NRXN3: variants seen among roughly 807,000 people sequenced by gnomAD.
NRXN3 encodes neurexin 3.
In NRXN3, 32 loss-of-function variants were observed where a neutral mutation model predicts 137.6. The ratio of observed to expected loss-of-function variants is 0.23; its 90% CI spans 0.18 to 0.31. The LOEUF is 0.31. Ranked by LOEUF, NRXN3 falls within the 10% of genes least tolerant of loss-of-function variation. NRXN3 has a pLI of 1.00. For missense variants in NRXN3, 1,574 were observed against 2,062.5 expected (o/e 0.76, Z 4.59); for synonymous variants, 798 against 784.5 (o/e 1.02, Z -0.29).
At chr14:79,315,027 C>T (rs549439850) in intron 15 of NRXN3, among the ~76,000 whole-genome samples, 1 of 152,200 alleles carries the variant, frequency 6.6e-6, no homozygotes. Flanking sequence ...GCTGCCACTA[C>T]AGCCTGATTT....
At chr14:79,281,037 T>G (rs538288730) in intron 15 of NRXN3, among the ~76,000 whole-genome samples, 5 of 152,280 alleles carry the variant, frequency 3.3e-5, no homozygotes, top group Non-Finnish European at 5.9e-5. Flanking sequence ...GTGGTAATGG[T>G]CAGGGAAAAG....
At chr14:78,777,276 G>A (rs34772331) in intron 8 of NRXN3, among the ~76,000 whole-genome samples, 10,197 of 152,026 alleles carry the variant, frequency 0.067, 477 homozygotes, top group South Asian at 0.17. Context: ...AACTAATATG[G>A]GCACATGGCA....
intron 15 of NRXN3, among the ~76,000 whole-genome samples, chr14:79,142,504 G>T (rs368378887): frequency 1.3e-5 from 2 of 152,152 alleles, no homozygotes; most frequent in African/African-American, 4.8e-5. Flanking sequence ...TTTGAGCAAA[G>T]ATATGAATAT....
intron 4 of NRXN3, among the ~76,000 whole-genome samples, chr14:78,560,980 T>A (rs763695456): frequency 2.0e-5 from 3 of 152,190 alleles, no homozygotes; most frequent in Non-Finnish European, 4.4e-5. Flanking sequence ...ATTAGTCAGG[T>A]TAGACTTGAT....
At chr14:78,618,252 C>A (rs1450244410) in intron 4 of NRXN3, among the ~76,000 whole-genome samples, 1 of 151,202 alleles carries the variant, frequency 6.6e-6, no homozygotes, top group African/African-American at 2.4e-5. Flanking sequence ...CAGAGTTGTG[C>A]TATACCTTTT....
At chr14:79,682,106 A>T (rs2098673416) in intron 17 of NRXN3, among the ~76,000 whole-genome samples, 2 of 152,244 alleles carry the variant, frequency 1.3e-5, no homozygotes, top group Middle Eastern at 3.4e-3. Context: ...TGCTTTTGGC[A>T]GTTACAATCT....
At chr14:79,095,256 C>T (rs12323794) in intron 15 of NRXN3, among the ~76,000 whole-genome samples, 49,894 of 151,918 alleles carry the variant, frequency 0.33, 8,692 homozygotes, top group Admixed American at 0.46. Context: ...AACTTGCTGC[C>T]GCTATAGGCC....
chr14:79,841,951 A>G (rs899173808), intron 20 of NRXN3, among the ~76,000 whole-genome samples: 11 of 152,236 alleles, frequency 7.2e-5, no homozygotes, highest in African/African-American at 2.4e-4. Context: ...TGTGAATGCA[A>G]TGCTTCAATA....
chr14:79,348,378 C>CTTTT lies in NRXN3; in HGVS notation c.3263-118831_3263-118828dup, dbSNP rs10628515. ...GTTAGTTTTATAGTTAATCTTCTCT[C>CTTTT]TTTTTTTTTTTTTTTGAGACAGAGT... is the stretch of plus-strand genomic sequence containing the variant. On this transcript the variant is annotated intron_variant, in intron 15 of 20. Coordinates refer to ENST00000335750, the MANE Select transcript of NRXN3 (RefSeq NM_001330195.2). Among the ~76,000 whole-genome samples the CTTTT allele has an allele frequency of 3.2e-4, 43 of 135,956 alleles. 2 individuals carry two copies. The highest frequency in any genetic ancestry group is 8.4e-4 in the African/African-American group (29 of 34,372). The allele number at this position is 135,956 out of a possible 152,430, so 89.2% of individuals were successfully genotyped here.
chr14:79,257,378 G>A (rs2076744033), intron 15 of NRXN3, among the ~76,000 whole-genome samples: 1 of 135,412 alleles, frequency 7.4e-6, no homozygotes, highest in Non-Finnish European at 1.6e-5. Flanking sequence ...TGGTGGTGGT[G>A]GTGGTGGTGA....
chr14:79,781,785 T>C (rs1476448151), intron 19 of NRXN3, among the ~76,000 whole-genome samples: 1 of 152,206 alleles, frequency 6.6e-6, no homozygotes, highest in African/African-American at 2.4e-5. Context: ...AGTGCTTGTA[T>C]TGCTGATAGC....
intron 9 of NRXN3, 80 bp downstream of exon 9, chr14:78,803,903 T>C (rs1172581739): frequency 1.5e-6 from 2 of 1,369,560 alleles, no homozygotes; most frequent in African/African-American, 2.9e-5. Flanking sequence ...TTTGATTGAA[T>C]TCTTTGTTTG....
intron 16 of NRXN3, among the ~76,000 whole-genome samples, chr14:79,488,633 G>A (rs1404969451): frequency 2.0e-5 from 3 of 152,188 alleles, no homozygotes; most frequent in Non-Finnish European, 2.9e-5. Context: ...CTTGATGCTG[G>A]TGATGATTTG....
intron 10 of NRXN3, among the ~76,000 whole-genome samples, chr14:78,886,388 C>T (rs1450066846): frequency 1.3e-5 from 2 of 151,990 alleles, no homozygotes; most frequent in African/African-American, 2.4e-5. Context: ...TATATAGTAC[C>T]TGATACAGAG....
chr14:79,099,739 G>T (rs1335995272), intron 15 of NRXN3, among the ~76,000 whole-genome samples: 2 of 152,124 alleles, frequency 1.3e-5, no homozygotes, highest in African/African-American at 4.8e-5. Flanking sequence ...TGATAAATTT[G>T]GAAAGTGTAA....
chr14:78,206,640 C>T (rs548809531), intron 1 of NRXN3, among the ~76,000 whole-genome samples: 29 of 152,224 alleles, frequency 1.9e-4, no homozygotes, highest in South Asian at 1.0e-3. Flanking sequence ...GCAGGACTAC[C>T]GCCTGCACTC....
chr14:78,839,327 T>C (rs2099005656), intron 10 of NRXN3, among the ~76,000 whole-genome samples: 1 of 152,044 alleles, frequency 6.6e-6, no homozygotes, highest in South Asian at 2.1e-4. Context: ...TGAGGAAAAG[T>C]GAGGGATGAG....
intron 15 of NRXN3, among the ~76,000 whole-genome samples, chr14:79,190,239 G>T (rs1568550772): frequency 6.6e-6 from 1 of 151,948 alleles, no homozygotes; most frequent in Non-Finnish European, 1.5e-5. Context: ...TCATCATCAG[G>T]CTATTCTTGA....
intron 2 of NRXN3, among the ~76,000 whole-genome samples, chr14:78,268,852 A>G (rs2072247588): frequency 6.6e-6 from 1 of 152,132 alleles, no homozygotes; most frequent in South Asian, 2.1e-4. Context: ...ATTATAATAG[A>G]TAATAATCCC....
Sources: gnomAD v4.1 joint callset for allele counts (sites outside exome capture counted in the v4.1 genomes callset) on GRCh38, gnomAD v4.1.1 for gene constraint, MANE v1.5 for transcripts, NCBI Gene and HGNC (gene_info 2026-07-23, HGNC 2026-07-21) for gene names.